The following SLC2A12 variants were observed in gnomAD, a reference collection of about 807,000 sequenced individuals.
SLC2A12 encodes the protein solute carrier family 2, facilitated glucose transporter member 12.
In SLC2A12, 23 loss-of-function variants were observed where a neutral mutation model predicts 41.8. The observed-to-expected ratio is 0.55, with a 90% confidence interval of 0.40 to 0.78. The LOEUF (loss-of-function observed/expected upper bound fraction) is 0.78. SLC2A12 is among the 30% of genes least tolerant of loss of function. SLC2A12 has a pLI of 0.00. For missense variants in SLC2A12, 654 were observed against 745.6 expected (o/e 0.88, Z 1.43); for synonymous variants, 295 against 285.9 (o/e 1.03, Z -0.32).
chr6:134,040,425 C>G (rs779646022), intron 1 of SLC2A12, among the ~76,000 whole-genome samples: 3 of 152,156 alleles, frequency 2.0e-5, no homozygotes, highest in Non-Finnish European at 4.4e-5. Flanking sequence ...ACACAGACTG[C>G]AAGAACCCCA....
intron 2 of SLC2A12, among the ~76,000 whole-genome samples, chr6:134,017,696 CAA>C (rs1199689483): frequency 6.6e-6 from 1 of 151,356 alleles, no homozygotes; most frequent in Non-Finnish European, 1.5e-5. Flanking sequence ...ACTAAAAATA[CAA>C]AAAAAATTAG....
chr6:134,002,164 T>A (rs1776761321), intron 3 of SLC2A12, 35 bp from the exon 4 acceptor site: 1 of 1,585,320 alleles, frequency 6.3e-7, no homozygotes, highest in Admixed American at 1.9e-5. Context: ...TAGAAATGTG[T>A]TTTGTGTAGC....
At position 134,029,795 on chromosome 6, in the gene SLC2A12, T is replaced by G. The variant is rs1393763115; in HGVS notation, c.104-74A>C. ...TAAACATTTTGTATTTGAGCGGAGA[T>G]TTAACCTTGTAGAAGTCTTTCATAG... On this transcript the variant is annotated intron_variant, in intron 1 of 4. Transcript: ENST00000275230. 2.1e-5 allele frequency: 31 copies of G among 1,503,948 alleles called. No homozygotes were observed. The East Asian group carries it at 4.1e-4, about 20-fold the overall frequency. 93.2% of individuals were successfully genotyped at this position (1,503,948 alleles called of 1,614,324 possible). A position where few individuals can be genotyped will look rare whatever the true frequency, so the allele number is the denominator to read the frequency against.
chr6:134,020,865 G>A (rs1052571775), intron 2 of SLC2A12, among the ~76,000 whole-genome samples: 1 of 152,072 alleles, frequency 6.6e-6, no homozygotes, highest in Non-Finnish European at 1.5e-5. Context: ...TCTCCAACTC[G>A]TTGGCATTGC....
chr6:134,018,575 A>C (rs895191843), intron 2 of SLC2A12, among the ~76,000 whole-genome samples: 3 of 152,158 alleles, frequency 2.0e-5, no homozygotes, highest in African/African-American at 7.2e-5. Flanking sequence ...TGCCTTCTTC[A>C]TACAAACGTT....
chr6:134,027,112 C>A (rs1278182453), intron 2 of SLC2A12, among the ~76,000 whole-genome samples: 1 of 152,210 alleles, frequency 6.6e-6, no homozygotes, highest in East Asian at 1.9e-4. Context: ...CATTCACCTA[C>A]AATCTCCCTG....
At chr6:134,016,347 C>T (rs1776962487) in intron 2 of SLC2A12, among the ~76,000 whole-genome samples, 1 of 151,886 alleles carries the variant, frequency 6.6e-6, no homozygotes, top group African/African-American at 2.4e-5. Flanking sequence ...ATCCGGGTAG[C>T]TTACTCTCTA....
rs1554205908 is a variant in SLC2A12 at position 134,006,184 on chromosome 6, A to AC, written c.1567+627_1567+628insG. Among the ~76,000 whole-genome samples the AC allele has an allele frequency of 3.5e-3, 491 of 140,608 alleles. 4 individuals carry two copies. Among genetic ancestry groups the AC allele is most frequent in the Non-Finnish European group, 6.3e-3 (400 of 63,684 alleles). The allele number at this position is 140,608 out of a possible 152,430, so 92.2% of individuals were successfully genotyped here. ...ACAGAGAGAGACTATCGGAAAAAAAAAAAAAAAACAAAAAAAAAAACAGAG... is the reference window on the plus strand; with the variant it reads ...ACAGAGAGAGACTATCGGAAAAAAAACAAAAAAAACAAAAAAAAAAACAGAG... On this transcript the variant is annotated intron_variant, in intron 3 of 4. Coordinates refer to ENST00000275230, the MANE Select transcript of SLC2A12 (RefSeq NM_145176.3).
intron 2 of SLC2A12, among the ~76,000 whole-genome samples, chr6:134,014,334 G>C (rs1011085860): frequency 6.6e-6 from 1 of 152,094 alleles, no homozygotes; most frequent in Non-Finnish European, 1.5e-5. Flanking sequence ...CTGTGCAGCC[G>C]GGTTCCTAAC....
chr6:134,045,077 G>T (rs1411613577), intron 1 of SLC2A12, among the ~76,000 whole-genome samples: 1 of 152,184 alleles, frequency 6.6e-6, no homozygotes, highest in Non-Finnish European at 1.5e-5. Context: ...AGAGAAAAAG[G>T]CATGATTCCT....
chr6:134,022,655 T>C (rs942972949), intron 2 of SLC2A12, among the ~76,000 whole-genome samples: 2 of 152,238 alleles, frequency 1.3e-5, no homozygotes, highest in African/African-American at 4.8e-5. Flanking sequence ...TTGACCTGTA[T>C]GTCGTGGAAG....
At chr6:134,044,488 T>C (rs1159307434) in intron 1 of SLC2A12, among the ~76,000 whole-genome samples, 1 of 152,042 alleles carries the variant, frequency 6.6e-6, no homozygotes, top group African/African-American at 2.4e-5. Context: ...CCGAGGTGGG[T>C]GGATCACTTG....
In SLC2A12 at chr6:133,989,056, G is replaced by A. The variant is rs1222955841; in HGVS notation, c.*2099C>T. The A allele has an allele frequency of 6.6e-6, 1 of 152,202 alleles. No individual in the cohort carries two copies. The highest frequency in any genetic ancestry group is 6.6e-5 in the Admixed American group (1 of 15,266). The allele number at this position is 152,202 out of a possible 1,614,324, so 9.4% of individuals were successfully genotyped here. A position where few individuals can be genotyped will look rare whatever the true frequency, so the allele number is the denominator to read the frequency against. On this transcript the variant is annotated 3_prime_UTR_variant, in exon 5 of 5. Transcript: ENST00000275230. Reference sequence around the variant, plus strand: ...TCTGAAGGGAGAGGGTAAAGACAGTGTGACCAGGTTTGTTTTCAGGGCTGC... The same window carrying A: ...TCTGAAGGGAGAGGGTAAAGACAGTATGACCAGGTTTGTTTTCAGGGCTGC...
rs564249881 is a variant in SLC2A12, at chr6:134,028,519, A to T, written c.1306T>A (p.Ser436Thr). ...VDKRGETTSA[S>T]LLNAGLSHTE... Reference sequence around the variant, plus strand: ...TGGCTTAATCCAGCATTTAGCAAGGATGCTGAGGTCGTCTCCCCTCTCTTA... The same window carrying T: ...TGGCTTAATCCAGCATTTAGCAAGGTTGCTGAGGTCGTCTCCCCTCTCTTA... The change falls in exon 2 of 5, where the codon TCC becomes ACC. Residue 436 changes from serine (S) to threonine (T), a missense_variant. Ser to Thr is a moderately conservative substitution (Grantham distance 58, BLOSUM62 1). This residue lies in a region of SLC2A12 where 411 missense variants were observed against 412.1 expected (regional missense o/e 1.00). Coordinates refer to ENST00000275230, the MANE Select transcript of SLC2A12 (RefSeq NM_145176.3). The T allele has an allele frequency of 9.9e-6, 16 of 1,614,176 alleles. No individual in the cohort carries two copies. In the East Asian group the frequency reaches 3.6e-4, roughly 36 times the overall value.
In SLC2A12 at chr6:134,006,176, G is replaced by GAAAAAAAAAAAA. The variant is rs1182572567; in HGVS notation, c.1567+624_1567+635dup. 3.1e-4 allele frequency among the ~76,000 whole-genome samples: 19 copies of GAAAAAAAAAAAA among 61,750 alleles called. 1 individual carries two copies. The highest frequency in any genetic ancestry group is 4.5e-4 in the African/African-American group (8 of 17,678). 40.5% of individuals were successfully genotyped at this position (61,750 alleles called of 152,430 possible). ...CCTGGGCAACAGAGAGAGACTATCG[G>GAAAAAAAAAAAA]AAAAAAAAAAAAAAAACAAAAAAAA... is the stretch of plus-strand genomic sequence containing the variant. On this transcript the variant is annotated intron_variant, in intron 3 of 4. Coordinates refer to ENST00000275230, the MANE Select transcript of SLC2A12 (RefSeq NM_145176.3).
At chr6:134,042,957 A>C (rs1206916537) in intron 1 of SLC2A12, among the ~76,000 whole-genome samples, 1 of 143,116 alleles carries the variant, frequency 7.0e-6, no homozygotes, top group African/African-American at 2.6e-5. Flanking sequence ...ACAGAGTAAC[A>C]CTCTGTCTCA....
chr6:134,024,835 A>G (rs1205476625), intron 2 of SLC2A12, among the ~76,000 whole-genome samples: 2 of 152,040 alleles, frequency 1.3e-5, no homozygotes, highest in East Asian at 1.9e-4. Flanking sequence ...GAACTACCCA[A>G]CTCCAGCTAT....
intron 2 of SLC2A12, among the ~76,000 whole-genome samples, chr6:134,018,055 T>C (rs761969905): frequency 1.3e-5 from 2 of 152,072 alleles, no homozygotes; most frequent in African/African-American, 4.8e-5. Context: ...CTGACTCAGC[T>C]GGATTTATGT....
chr6:134,024,070 C>T (rs1209711431), intron 2 of SLC2A12, among the ~76,000 whole-genome samples: 1 of 152,216 alleles, frequency 6.6e-6, no homozygotes, highest in Non-Finnish European at 1.5e-5. Flanking sequence ...ACCCTGCTGC[C>T]GATCACTGGT....
Sources: allele counts gnomAD v4.1 joint callset (sites outside exome capture counted in the v4.1 genomes callset), GRCh38; gene constraint gnomAD v4.1.1; regional missense constraint gnomAD v4.1.1; transcripts MANE v1.5; gene names NCBI Gene and HGNC (gene_info 2026-07-23, HGNC 2026-07-21).